The following KAZN variants were observed in gnomAD, a reference collection of about 807,000 sequenced individuals.
KAZN encodes the protein kazrin, periplakin interacting protein.
In KAZN, 40 loss-of-function variants were observed where a neutral mutation model predicts 87.4. The observed-to-expected ratio is 0.46, with a 90% CI of 0.36 to 0.60. The LOEUF is 0.60. Among genes scored for constraint, KAZN ranks in the 20% least tolerant of loss-of-function variants. The pLI, the probability that KAZN is intolerant of heterozygous loss-of-function variation, is 0.00. For synonymous variants in KAZN, 466 were observed against 458.3 expected, an observed-to-expected ratio of 1.02 and a Z score of -0.22; for missense variants, 898 against 1,073.9, an observed-to-expected ratio of 0.84 and a Z score of 2.29.
At chr1:14,253,921 T>C (rs1183925480) in intron 2 of KAZN, among the ~76,000 whole-genome samples, 3 of 133,124 alleles carry the variant, frequency 2.3e-5, no homozygotes, top group African/African-American at 8.4e-5. Flanking sequence ...ATGGCTTCTA[T>C]GAGCAAGCGA....
intron 2 of KAZN, among the ~76,000 whole-genome samples, chr1:14,523,498 T>C (rs562352738): frequency 4.6e-5 from 7 of 152,308 alleles, no homozygotes; most frequent in Admixed American, 2.6e-4. Flanking sequence ...TAGATACAAA[T>C]GTGTCCCATC....
chr1:14,086,481 C>A (rs1004996625), intron 1 of KAZN, among the ~76,000 whole-genome samples: 1 of 151,990 alleles, frequency 6.6e-6, no homozygotes, highest in African/African-American at 2.4e-5. Context: ...CTATGGTTTG[C>A]CTTTTCATTT....
intron 1 of KAZN, among the ~76,000 whole-genome samples, chr1:14,915,169 A>G (rs909198671): frequency 6.6e-6 from 1 of 152,248 alleles, no homozygotes; most frequent in African/African-American, 2.4e-5. Flanking sequence ...CCTGGGCAAC[A>G]AGAGCGAAAC....
intron 1 of KAZN, among the ~76,000 whole-genome samples, chr1:14,031,710 G>T (rs756518661): frequency 1.3e-5 from 2 of 152,148 alleles, no homozygotes; most frequent in Non-Finnish European, 2.9e-5. Context: ...CCAATTCTTT[G>T]ACGCTACTTT....
chr1:14,076,857 A>C lies in KAZN; in HGVS notation c.92-103578A>C, dbSNP rs553230913. Among the ~76,000 whole-genome samples the C allele has an allele frequency of 1.2e-4, 18 of 152,274 alleles. No homozygotes were observed. In the East Asian group the frequency reaches 2.1e-3, roughly 18 times the overall value. On this transcript the variant is annotated intron_variant, in intron 1 of 16. Coordinates refer to the KAZN transcript ENST00000636203. The stretch of plus-strand genomic sequence containing the variant: ...AGCTGGTTGTGGGGCCCTGAGGCAC[A>C]CTAGGTTCTGTAGAATCAGCCCATG...
At chr1:14,703,757 G>A (rs1488428126) in intron 1 of KAZN, among the ~76,000 whole-genome samples, 1 of 152,166 alleles carries the variant, frequency 6.6e-6, no homozygotes, top group African/African-American at 2.4e-5. Flanking sequence ...GCACACACCT[G>A]TAGTCCCAGC....
intron 1 of KAZN, among the ~76,000 whole-genome samples, chr1:14,752,738 T>TG (rs1644446947): frequency 6.6e-6 from 1 of 152,126 alleles, no homozygotes; most frequent in South Asian, 2.1e-4. Context: ...CATAGGAATT[T>TG]GGTGGGGAGG....
chr1:13,903,372 G>T (rs1014562616), intron 1 of KAZN, among the ~76,000 whole-genome samples: 5 of 152,162 alleles, frequency 3.3e-5, no homozygotes, highest in Non-Finnish European at 7.3e-5. Context: ...AAGTAACTGC[G>T]TTTTTGTCGG....
intron 1 of KAZN, among the ~76,000 whole-genome samples, chr1:14,013,412 C>T (rs6657100): frequency 0.027 from 4,057 of 152,124 alleles, 168 homozygotes; most frequent in African/African-American, 0.086. Context: ...GAAAGGAGAA[C>T]GAGAAACAGG....
At chr1:15,073,483 C>A (rs1313210528) in intron 8 of KAZN, among the ~76,000 whole-genome samples, 1 of 125,726 alleles carries the variant, frequency 8.0e-6, no homozygotes, top group Non-Finnish European at 1.8e-5. Flanking sequence ...ACCCCAGGGT[C>A]CCCCCAGTAA....
At chr1:14,233,932 C>T (rs191802367) in intron 2 of KAZN, among the ~76,000 whole-genome samples, 10 of 152,260 alleles carry the variant, frequency 6.6e-5, no homozygotes, top group East Asian at 5.8e-4. Flanking sequence ...GAAATAGGAA[C>T]GCTTTTACAC....
rs72860741 is a variant in KAZN, at chr1:14,480,100, G to A, written c.250-118883G>A. ...CAGTGCTGGGGAATCCCACAAGGAC[G>A]GAGACCAGAGAATCAAGATAAGACT... On this transcript the variant is annotated intron_variant, in intron 2 of 16. Transcript: ENST00000636203. 3.5e-3 allele frequency among the ~76,000 whole-genome samples: 535 copies of A among 152,342 alleles called. 4 individuals are homozygous for A. Among genetic ancestry groups the A allele is most frequent in the African/African-American group, 0.012 (514 of 41,582 alleles).
At chr1:14,697,153 A>AC (rs1335667595) in intron 1 of KAZN, among the ~76,000 whole-genome samples, 1 of 130,412 alleles carries the variant, frequency 7.7e-6, no homozygotes, top group Non-Finnish European at 1.7e-5. Context: ...AAAAAAAAAA[A>AC]AAAAGAAAAG....
chr1:14,387,323 A>C (rs1207901048), intron 2 of KAZN, among the ~76,000 whole-genome samples: 1 of 152,194 alleles, frequency 6.6e-6, no homozygotes, highest in Non-Finnish European at 1.5e-5. Flanking sequence ...CGTCAAAGTC[A>C]TTCTCCGTCC....
Position 14,324,609 on chromosome 1 carries a change from C to T in KAZN, c.249+144017C>T, listed in dbSNP as rs1037453201. Among the ~76,000 whole-genome samples, 3 of 152,182 alleles carry T rather than the reference C, an allele frequency of 2.0e-5. No individual in the cohort carries two copies. In the South Asian group the frequency reaches 6.2e-4, roughly 32 times the overall value. On this transcript the variant is annotated intron_variant, in intron 2 of 16. Coordinates refer to the KAZN transcript ENST00000636203. ...TTCAATCAAAATAAGACATAATGGC[C>T]TTATATGGCTTCAAGGGTGTTATGG...
chr1:13,954,764 A>G (rs1048100081), intron 1 of KAZN, among the ~76,000 whole-genome samples: 8 of 152,162 alleles, frequency 5.3e-5, no homozygotes, highest in Non-Finnish European at 1.2e-4. Context: ...TATCCCTGTA[A>G]TACATTCTTC....
chr1:14,721,893 C>T (rs572300110), intron 1 of KAZN, among the ~76,000 whole-genome samples: 73 of 152,282 alleles, frequency 4.8e-4, no homozygotes, highest in African/African-American at 1.6e-3. Context: ...GTGGCTCACA[C>T]CTGTGATCCC....
At chr1:14,713,463 A>G (rs953685163) in intron 1 of KAZN, among the ~76,000 whole-genome samples, 6 of 152,090 alleles carry the variant, frequency 3.9e-5, no homozygotes, top group East Asian at 1.9e-4. Flanking sequence ...CTTTAACTCA[A>G]TGGCTCCCAG....
At chr1:14,164,382 C>CT (rs1645774430) in intron 1 of KAZN, among the ~76,000 whole-genome samples, 2 of 151,676 alleles carry the variant, frequency 1.3e-5, no homozygotes, top group African/African-American at 4.9e-5. Flanking sequence ...ATATGGCCTG[C>CT]TTGAATATCC....
Sources: gnomAD v4.1 joint callset for allele counts (sites outside exome capture counted in the v4.1 genomes callset) on GRCh38, gnomAD v4.1.1 for gene constraint, MANE v1.5 for transcripts, NCBI Gene and HGNC (gene_info 2026-07-23, HGNC 2026-07-21) for gene names.